Variants in EGFR observed in about 807,000 individuals in gnomAD.
EGFR encodes avian erythroblastic leukemia viral (v-erb-b) oncogene homolog.
Under a neutral mutation model 143.0 loss-of-function variants are expected in EGFR, and 58 were observed. The ratio of observed to expected loss-of-function variants is 0.41; its 90% CI spans 0.33 to 0.50. The LOEUF is 0.50. Among genes scored for constraint, EGFR ranks in the 20% least tolerant of loss-of-function variants. The probability of loss-of-function intolerance (pLI) is 0.39; values close to 1 mark genes in which losing one functional copy is unlikely to be tolerated. For synonymous variants in EGFR, 613 were observed against 594.4 expected (o/e 1.03, Z -0.45); for missense variants, 1,307 against 1,579.0 (o/e 0.83, Z 2.92).
chr7:55,172,989 G>T lies in EGFR; in HGVS notation c.1926G>T (p.Lys642Asn), dbSNP rs1786421197. Reference protein sequence around the residue: ...GLEGCPTNGPKIPSIATGMVG... With the variant: ...GLEGCPTNGPNIPSIATGMVG... ...TTCCTCCACCTCATTCCAGGCCTAAGATCCCGTCCATCGCCACTGGGATGG... is the reference window on the plus strand; with the variant it reads ...TTCCTCCACCTCATTCCAGGCCTAATATCCCGTCCATCGCCACTGGGATGG... Residue 642 changes from lysine (K) to asparagine (N), a missense_variant, in exon 17 of 28, where the codon AAG becomes AAT. Transcript: ENST00000275493. 6.2e-7 allele frequency: 1 copy of T among 1,614,152 alleles called. No individual in the cohort carries two copies. Among genetic ancestry groups the T allele is most frequent in the Non-Finnish European group, 8.5e-7 (1 of 1,180,032 alleles).
intron 1 of EGFR, among the ~76,000 whole-genome samples, chr7:55,087,022 G>C (rs1790804147): frequency 6.6e-6 from 1 of 151,936 alleles, no homozygotes; most frequent in Admixed American, 6.6e-5. Flanking sequence ...GAGTTATAAT[G>C]GCCCATTATC....
At chr7:55,131,916 C>A (rs1225619869) in intron 1 of EGFR, among the ~76,000 whole-genome samples, 2 of 145,876 alleles carry the variant, frequency 1.4e-5, no homozygotes, top group Admixed American at 7.0e-5. Flanking sequence ...AAGGGACAAG[C>A]GCAGGGAGCA....
At chr7:55,122,825 G>C (rs1793289793) in intron 1 of EGFR, among the ~76,000 whole-genome samples, 1 of 152,254 alleles carries the variant, frequency 6.6e-6, no homozygotes, top group Admixed American at 6.5e-5. Flanking sequence ...CATGAGTATT[G>C]CCACAACAGC....
At chr7:55,178,469 G>A (rs745454571) in intron 19 of EGFR, among the ~76,000 whole-genome samples, 4 of 152,292 alleles carry the variant, frequency 2.6e-5, no homozygotes, top group East Asian at 1.9e-4. Context: ...GACCTGGGGC[G>A]CCTCCGACCC....
intron 1 of EGFR, among the ~76,000 whole-genome samples, chr7:55,110,229 A>G (rs1792393472): frequency 6.6e-6 from 1 of 152,238 alleles, no homozygotes; most frequent in Non-Finnish European, 1.5e-5. Context: ...AGCATAATGG[A>G]AAATATAAAT....
intron 1 of EGFR, among the ~76,000 whole-genome samples, chr7:55,089,801 T>C (rs1790992539): frequency 6.6e-6 from 1 of 152,170 alleles, no homozygotes; most frequent in South Asian, 2.1e-4. Context: ...CCAGCCAGGC[T>C]TGGAGACCAC....
intron 1 of EGFR, among the ~76,000 whole-genome samples, chr7:55,104,988 T>A (rs915519037): frequency 6.6e-6 from 1 of 152,182 alleles, no homozygotes; most frequent in Non-Finnish European, 1.5e-5. Context: ...ATTCCAGGGA[T>A]AGGAATATTA....
intron 1 of EGFR, among the ~76,000 whole-genome samples, chr7:55,108,075 T>C (rs1238372037): frequency 6.6e-6 from 1 of 152,244 alleles, no homozygotes; most frequent in Non-Finnish European, 1.5e-5. Context: ...CTATTCTTTT[T>C]AAGTTGGCAG....
intron 1 of EGFR, among the ~76,000 whole-genome samples, chr7:55,139,947 A>G (rs1391338900): frequency 6.6e-6 from 1 of 152,104 alleles, no homozygotes; most frequent in Non-Finnish European, 1.5e-5. Context: ...TGCTAATTGT[A>G]GACAATGAAG....
chr7:55,163,862 G>T (rs1013867143), intron 14 of EGFR, 39 bp downstream of exon 14: 7 of 1,608,434 alleles, frequency 4.4e-6, no homozygotes, highest in Non-Finnish European at 6.0e-6. Flanking sequence ...CATTTCATGG[G>T]AAGGGCCTTC....
intron 7 of EGFR, among the ~76,000 whole-genome samples, chr7:55,155,055 C>T (rs762832837): frequency 2.0e-5 from 3 of 152,202 alleles, no homozygotes; most frequent in African/African-American, 2.4e-5. Flanking sequence ...GAAAACACTT[C>T]GAGCCTGAGA....
chr7:55,176,710 T>G (rs1054140440), intron 19 of EGFR, among the ~76,000 whole-genome samples: 3 of 150,952 alleles, frequency 2.0e-5, no homozygotes, highest in Non-Finnish European at 2.9e-5. Flanking sequence ...AAGACCCTGC[T>G]CAAAAAAATA....
chr7:55,103,357 G>A (rs1334362783), intron 1 of EGFR, among the ~76,000 whole-genome samples: 1 of 152,134 alleles, frequency 6.6e-6, no homozygotes, highest in East Asian at 1.9e-4. Flanking sequence ...TTAATATTAT[G>A]GTTTAGTTAA....
At chr7:55,105,276 G>C (rs929074827) in intron 1 of EGFR, among the ~76,000 whole-genome samples, 3 of 152,224 alleles carry the variant, frequency 2.0e-5, no homozygotes, top group Non-Finnish European at 2.9e-5. Flanking sequence ...GTTTGTGGCT[G>C]AGAAGAGTGG....
At chr7:55,177,379 C>T (rs193255461) in intron 19 of EGFR, among the ~76,000 whole-genome samples, 1 of 152,304 alleles carries the variant, frequency 6.6e-6, no homozygotes, top group East Asian at 1.9e-4. Context: ...GCCATGTGTG[C>T]TCTTAGAAAG....
chr7:55,064,071 G>T (rs1789356553), intron 1 of EGFR, among the ~76,000 whole-genome samples: 1 of 152,054 alleles, frequency 6.6e-6, no homozygotes, highest in Admixed American at 6.5e-5. Flanking sequence ...AAGAAAACTT[G>T]TAAACCTAAG....
intron 19 of EGFR, among the ~76,000 whole-genome samples, chr7:55,177,812 C>A (rs1011444353): frequency 6.6e-6 from 1 of 152,224 alleles, no homozygotes; most frequent in African/African-American, 2.4e-5. Context: ...TGGGGCTCCA[C>A]GAAGATTGTT....
At chr7:55,067,820 G>A (rs1163268831) in intron 1 of EGFR, among the ~76,000 whole-genome samples, 3 of 148,554 alleles carry the variant, frequency 2.0e-5, no homozygotes, top group South Asian at 2.1e-4. Context: ...GCGGATGTGC[G>A]TGTATGTGTG....
chr7:55,156,899 A>G (rs1785449622), intron 10 of EGFR, 67 bp downstream of exon 10: 1 of 1,609,930 alleles, frequency 6.2e-7, no homozygotes, highest in African/African-American at 1.3e-5. Context: ...ACTTTTCGAC[A>G]TATTTCCTGT....
Sources: allele counts gnomAD v4.1 joint callset (sites outside exome capture counted in the v4.1 genomes callset), GRCh38; gene constraint gnomAD v4.1.1; transcripts MANE v1.5; gene names NCBI Gene and HGNC (gene_info 2026-07-23, HGNC 2026-07-21).